Variants in TTN observed in about 807,000 individuals in gnomAD.
The protein encoded by TTN is connectin.
In TTN, 1,525 loss-of-function variants were observed where a neutral mutation model predicts 3,223.0. That is an observed-to-expected ratio of 0.47 (90% CI 0.45 to 0.49). TTN has a LOEUF of 0.49. TTN is among the 20% of genes least tolerant of loss of function. The probability of loss-of-function intolerance (pLI) is 0.00; values close to 1 mark genes in which losing one functional copy is unlikely to be tolerated. For synonymous variants in TTN, 14,094 were observed against 15,161.0 expected (o/e 0.93, Z 5.17); for missense variants, 40,786 against 43,424.0 (o/e 0.94, Z 5.40).
chr2:178,767,468 A>G (rs2090670786), intron 40 of TTN, among the ~76,000 whole-genome samples: 1 of 152,200 alleles, frequency 6.6e-6, no homozygotes, highest in African/African-American at 2.4e-5. Flanking sequence ...TTACATTTTA[A>G]TTCTTTTCTG....
In TTN at chr2:178,612,559, G is replaced by A. The variant is rs1030093239; in HGVS notation, c.49966C>T (p.Arg16656Cys). 18 of 1,610,082 alleles carry A rather than the reference G, an allele frequency of 1.1e-5. No homozygotes were observed. Among genetic ancestry groups the A allele is most frequent in the South Asian group, 4.4e-5 (4 of 90,464 alleles). ...REKLYPPSPP[R>C]WLEVINITKN... ...GTGATATTAATAACTTCAAGCCAGC[G>A]TGGTGGTGATGGAGGATCTGAAAAA... The change falls in exon 266 of 363, where the codon CGC (arginine) becomes TGC (cysteine). Residue 16656 changes from arginine to cysteine, a missense_variant. Coordinates refer to ENST00000589042, the MANE Select transcript of TTN (RefSeq NM_001267550.2).
In TTN at chr2:178,757,191, T is replaced by C. The variant is rs1022271803; in HGVS notation, c.10678+351A>G. Among the ~76,000 whole-genome samples the C allele has an allele frequency of 9.6e-5, 14 of 146,468 alleles. No individual in the cohort carries two copies. The South Asian group carries it at 1.3e-3, about 13-fold the overall frequency. On this transcript the variant is annotated intron_variant, in intron 45 of 362. Transcript: ENST00000589042. ...AATACTGTACTTACTTTAAGTACAG[T>C]AAGTAATACTGTACTTACTTTAAGT... is the stretch of plus-strand genomic sequence containing the variant.
At position 178,799,867 on chromosome 2, in the gene TTN, C is replaced by T. The variant is rs201942184; in HGVS notation, c.627G>A (p.Ser209=). The change falls in exon 5 of 363, where the codon TCG becomes TCA. Residue 209 remains serine, a synonymous_variant. Coordinates refer to ENST00000589042, the MANE Select transcript of TTN (RefSeq NM_001267550.2). ...VPAKKTKTIV[S]TAQISESRQT... is the part of the protein sequence containing the mutation. ...GTCTTGATTCTGAGATCTGAGCAGT[C>T]GAAACAATTGTCTTTGTCTTTTTAG... 6.2e-6 allele frequency: 10 copies of T among 1,614,066 alleles called. No individual in the cohort carries two copies. Among genetic ancestry groups the T allele is most frequent in the East Asian group, 2.2e-5 (1 of 44,872 alleles).
At chr2:178,639,580 C>G in intron 223 of TTN, 119 bp downstream of exon 223, 1 of 1,040,988 alleles carries the variant, frequency 9.6e-7, no homozygotes, top group East Asian at 2.6e-5. Context: ...CCATAAACCT[C>G]CGAAGTTGAA....
chr2:178,546,237 G>T lies in TTN; in HGVS notation c.95094C>A (p.Ala31698=). ...LTVKNASGTK[A]VSVMVKVLDS... ...CAAGCACTTTGACCATGACAGACAC[G>T]GCCTTGGTCCCGCTGGCATTTTTCA... The change falls in exon 342 of 363, where the codon GCC becomes GCA. Residue 31698 remains alanine, a synonymous_variant. Coordinates refer to ENST00000589042, the MANE Select transcript of TTN (RefSeq NM_001267550.2). 1 of 1,611,680 alleles carries T rather than the reference G, an allele frequency of 6.2e-7. No individual in the cohort carries two copies. Among genetic ancestry groups the T allele is most frequent in the Non-Finnish European group, 8.5e-7 (1 of 1,178,168 alleles).
chr2:178,617,469 A>G lies in TTN; in HGVS notation c.47616T>C (p.Thr15872=). The stretch of plus-strand genomic sequence containing the variant: ...CCCATTTGAGCTGAACTGATGACTG[A>G]GTCTGATCTGAGGAAGTTAGGTTTA... ...PPVNLTSSDQ[T]QSSVQLKWEP... Residue 15872 remains threonine (T), a synonymous_variant, in exon 254 of 363, where the codon ACT becomes ACC. Transcript: ENST00000589042. The G allele has an allele frequency of 6.3e-7, 1 of 1,597,952 alleles. No individual in the cohort carries two copies. The highest frequency in any genetic ancestry group is 8.5e-7 in the Non-Finnish European group (1 of 1,175,188).
intron 47 of TTN, chr2:178,751,964 T>C (rs1405282268): frequency 6.3e-7 from 1 of 1,589,010 alleles, no homozygotes; most frequent in Non-Finnish European, 8.5e-7. Flanking sequence ...GGATTTGTGG[T>C]CTATGTCTTC....
At chr2:178,803,527 TATG>T (rs2094166800) in intron 2 of TTN, among the ~76,000 whole-genome samples, 1 of 151,868 alleles carries the variant, frequency 6.6e-6, no homozygotes, top group African/African-American at 2.4e-5. Context: ...GCAATGATTA[TATG>T]ATATTTGTAC....
chr2:178,667,024 G>A (rs2066070373), intron 162 of TTN, 123 bp from the exon 163 acceptor site: 1 of 948,190 alleles, frequency 1.1e-6, no homozygotes, highest in Non-Finnish European at 1.5e-6. Flanking sequence ...TGTTATTTTT[G>A]TTCTAATATT....
Position 178,757,894 on chromosome 2 carries a change from A to G in TTN, c.10326T>C (p.Asn3442=), listed in dbSNP as rs2154336166. ...SLEGFSKFEE[N]TSNSQWHVSL... ...AGACATGCCATTGGGAGTTTGATGT[A>G]TTTTCTTCAAATTTGCTAAATCCTG... The change falls in exon 45 of 363, where the codon AAT becomes AAC. Residue 3442 remains asparagine, a synonymous_variant. Coordinates refer to ENST00000589042, the MANE Select transcript of TTN (RefSeq NM_001267550.2). The G allele has an allele frequency of 6.6e-7, 1 of 1,520,806 alleles. No homozygotes were observed. The highest frequency in any genetic ancestry group is 1.4e-5 in the African/African-American group (1 of 71,820). The allele number at this position is 1,520,806 out of a possible 1,614,324, so 94.2% of individuals were successfully genotyped here.
Position 178,601,068 on chromosome 2 carries a change from G to T in TTN, c.55836C>A (p.Thr18612=). ...PPKNDGGSPV[T]HYIVECLAWD... The stretch of plus-strand genomic sequence containing the variant: ...ATGCAAGGCACTCAACAATATAGTG[G>T]GTAACAGGGGAGCCCCCATCATTCT... The change falls in exon 288 of 363, where the codon ACC becomes ACA. Residue 18612 remains threonine, a synonymous_variant. Transcript: ENST00000589042. The T allele has an allele frequency of 6.2e-7, 1 of 1,611,470 alleles. No homozygotes were observed.
chr2:178,580,221 C>T lies in TTN; in HGVS notation c.67066G>A (p.Gly22356Arg), dbSNP rs763997790. The T allele has an allele frequency of 6.2e-7, 1 of 1,612,382 alleles. No individual in the cohort carries two copies. Among genetic ancestry groups the T allele is most frequent in the Non-Finnish European group, 8.5e-7 (1 of 1,179,342 alleles). The change falls in exon 318 of 363, where the codon GGG becomes AGG. Residue 22356 changes from glycine to arginine, a missense_variant. Physicochemically the swap from Gly to Arg is moderately radical, Grantham distance 125. Coordinates refer to ENST00000589042, the MANE Select transcript of TTN (RefSeq NM_001267550.2). ...TTAACAGTCACATTGACAGGTGGCC[C>T]AGGAGTATCTGGATAAATAGTAGGT... is the stretch of plus-strand genomic sequence containing the variant. ...TIVVKVLDTP[G>R]PPVNVTVKEI...
In TTN at chr2:178,723,099, T is replaced by C; in HGVS notation, c.21908A>G (p.Glu7303Gly). 1.2e-6 allele frequency: 2 copies of C among 1,613,640 alleles called. No homozygotes were observed. The highest frequency in any genetic ancestry group is 1.7e-6 in the Non-Finnish European group (2 of 1,179,672). The change falls in exon 75 of 363, where the codon GAG becomes GGG. Residue 7303 changes from glutamate (E) to glycine (G), a missense_variant. Coordinates refer to ENST00000589042, the MANE Select transcript of TTN (RefSeq NM_001267550.2). ...ATCCCTTCCTGCCTCATTTTCAATC[T>C]CGCAGGAATACTGCCCTGCATCTCT... ...TKRDAGQYSC[E>G]IENEAGRDVC... is the part of the protein sequence containing the mutation.
In TTN at chr2:178,571,748, C is replaced by T. The variant is rs1708265483; in HGVS notation, c.74384G>A (p.Gly24795Asp). The T allele has an allele frequency of 6.2e-7, 1 of 1,613,292 alleles. No individual in the cohort carries two copies. Among genetic ancestry groups the T allele is most frequent in the Admixed American group, 1.7e-5 (1 of 59,976 alleles). The change falls in exon 326 of 363, where the codon GGT (glycine) becomes GAT (aspartate). Residue 24795 changes from glycine (G) to aspartate (D), a missense_variant. Gly to Asp is a moderately conservative substitution (Grantham distance 94). Coordinates refer to ENST00000589042, the MANE Select transcript of TTN (RefSeq NM_001267550.2). The stretch of plus-strand genomic sequence containing the variant: ...AACATTAAGGGTTTCAATAGCTTCA[C>T]CAGCTGAGTTAGTCAGTTTAACCAC... ...HYVVKLTNSA[G>D]EAIETLNVIV...
intron 165 of TTN, 84 bp downstream of exon 165, chr2:178,665,293 A>T: frequency 8.0e-7 from 1 of 1,255,894 alleles, no homozygotes; most frequent in East Asian, 2.3e-5. Context: ...TTTAGAATTT[A>T]TGAAGAGTAT....
chr2:178,623,858 T>C (rs1185807811), intron 242 of TTN, among the ~76,000 whole-genome samples: 2 of 152,112 alleles, frequency 1.3e-5, no homozygotes, highest in Admixed American at 6.6e-5. Flanking sequence ...GAGGAAGAAG[T>C]AATGTTAAAA....
At position 178,662,591 on chromosome 2, in the gene TTN, GACAA is replaced by G; in HGVS notation, c.36896_36899del (p.Val12299AlafsTer647). 1 of 1,021,308 alleles carries G rather than the reference GACAA, an allele frequency of 9.8e-7. No individual in the cohort carries two copies. The highest frequency in any genetic ancestry group is 1.3e-6 in the Non-Finnish European group (1 of 761,312). The allele number at this position is 1,021,308 out of a possible 1,614,324, so 63.3% of individuals were successfully genotyped here. A position where few individuals can be genotyped will look rare whatever the true frequency, so the allele number is the denominator to read the frequency against. On this transcript the variant is annotated frameshift_variant, in exon 176 of 363. Coordinates refer to ENST00000589042, the MANE Select transcript of TTN (RefSeq NM_001267550.2). LOFTEE classifies it high-confidence loss of function. ...GTGCCTTGGGAATTTTCTTTTCTGG[GACAA>G]CTTCTTGAGCAGCTTCAGGCACTTG...
At chr2:178,750,089 T>C (rs1241701329) in intron 47 of TTN, 1 of 1,613,116 alleles carries the variant, frequency 6.2e-7, no homozygotes, top group Non-Finnish European at 8.5e-7. Flanking sequence ...TACCTGAATT[T>C]CTACAGGAAA....
chr2:178,694,653 C>A lies in TTN; in HGVS notation c.31372G>T (p.Val10458Phe). 1 of 1,556,908 alleles carries A rather than the reference C, an allele frequency of 6.4e-7. No homozygotes were observed. The highest frequency in any genetic ancestry group is 1.2e-5 in the South Asian group (1 of 83,838). Residue 10458 changes from valine to phenylalanine, a missense_variant, in exon 117 of 363, where the codon GTT (valine) becomes TTT (phenylalanine). Physicochemically the swap from Val to Phe is conservative, Grantham distance 50 (BLOSUM62 -1). Coordinates refer to ENST00000589042, the MANE Select transcript of TTN (RefSeq NM_001267550.2). ...GGAGTCCGGGAAGGTTTTTGTGGAA[C>A]AATCTTCTTTGAAACTTCAGGTACT... is the stretch of plus-strand genomic sequence containing the variant. ...TKVPEVSKKIVPQKPSRTPVQ... is the reference protein window; with the variant it reads ...TKVPEVSKKIFPQKPSRTPVQ...
Sources: gnomAD v4.1 joint callset for allele counts (sites outside exome capture counted in the v4.1 genomes callset) on GRCh38, gnomAD v4.1.1 for gene constraint, MANE v1.5 for transcripts, NCBI Gene and HGNC (gene_info 2026-07-23, HGNC 2026-07-21) for gene names.